The following SMYD3 variants were observed in gnomAD, a reference collection of about 807,000 sequenced individuals.
SMYD3 encodes SET and MYND domain containing 3, also known as histone-lysine N-methyltransferase SMYD3.
In SMYD3, 36 loss-of-function variants were observed where a neutral mutation model predicts 57.7. The ratio of observed to expected loss-of-function variants is 0.62; its 90% CI spans 0.48 to 0.82. The LOEUF (loss-of-function observed/expected upper bound fraction) is 0.82, where lower values mean the gene tolerates loss of function less well. Ranked by LOEUF, SMYD3 falls within the 40% of genes least tolerant of loss-of-function variation. The pLI is 0.00. For missense variants in SMYD3, 515 were observed against 538.8 expected, an observed-to-expected ratio of 0.96 and a Z score of 0.44; for synonymous variants, 211 against 195.0, an observed-to-expected ratio of 1.08 and a Z score of -0.68.
intron 5 of SMYD3, among the ~76,000 whole-genome samples, chr1:246,195,609 G>A (rs1038203042): frequency 9.7e-5 from 13 of 133,402 alleles, no homozygotes; most frequent in Non-Finnish European, 1.3e-4. Context: ...GTGCGTGCAC[G>A]CGCGCACACA....
At chr1:246,294,498 T>C (rs1002190379) in intron 5 of SMYD3, among the ~76,000 whole-genome samples, 1 of 152,202 alleles carries the variant, frequency 6.6e-6, no homozygotes, top group African/African-American at 2.4e-5. Context: ...GCCAGCTACA[T>C]GATAGGCCAA....
At position 246,313,310 on chromosome 1, in the gene SMYD3, A is replaced by G. The variant is rs766475573; in HGVS notation, c.531+13891T>C. Among the ~76,000 whole-genome samples the G allele has an allele frequency of 1.3e-5, 2 of 152,090 alleles. 1 individual carries two copies. The highest frequency in any genetic ancestry group is 2.9e-5 in the Non-Finnish European group (2 of 68,022). On this transcript the variant is annotated intron_variant, in intron 5 of 11. Transcript: ENST00000490107. ...GACTTTTGAGGCCCCCAAACAATATACCTTACCAACTTCTGCTCTAACCTG... is the reference window on the plus strand; with the variant it reads ...GACTTTTGAGGCCCCCAAACAATATGCCTTACCAACTTCTGCTCTAACCTG...
chr1:245,790,325 GGAAT>G (rs986697478), intron 10 of SMYD3, among the ~76,000 whole-genome samples: 1 of 152,184 alleles, frequency 6.6e-6, no homozygotes, highest in African/African-American at 2.4e-5. Flanking sequence ...GCTGCAGTGA[GGAAT>G]GAATGAATGA....
chr1:246,441,572 CA>C (rs2067470794), intron 1 of SMYD3, among the ~76,000 whole-genome samples: 1 of 152,166 alleles, frequency 6.6e-6, no homozygotes, highest in South Asian at 2.1e-4. Context: ...AAAAATGCCT[CA>C]CTGACATTTT....
At chr1:245,937,635 TAGGTTTCCA>T (rs1288497624) in intron 5 of SMYD3, among the ~76,000 whole-genome samples, 1 of 152,254 alleles carries the variant, frequency 6.6e-6, no homozygotes, top group Non-Finnish European at 1.5e-5. Context: ...GACATCATTA[TAGGTTTCCA>T]TAGCTCCACG....
At chr1:246,403,297 C>T (rs1016098754) in intron 1 of SMYD3, among the ~76,000 whole-genome samples, 2 of 151,670 alleles carry the variant, frequency 1.3e-5, no homozygotes, top group Admixed American at 1.3e-4. Flanking sequence ...AGTTTGAGAC[C>T]AGCCTGGGCA....
At chr1:246,039,556 G>C (rs1287654353) in intron 5 of SMYD3, among the ~76,000 whole-genome samples, 1 of 152,188 alleles carries the variant, frequency 6.6e-6, no homozygotes, top group Non-Finnish European at 1.5e-5. Flanking sequence ...CCCTCAAACT[G>C]ATACTACAAA....
intron 5 of SMYD3, among the ~76,000 whole-genome samples, chr1:246,195,598 T>C (rs1366713469): frequency 6.6e-6 from 1 of 150,468 alleles, no homozygotes; most frequent in African/African-American, 2.5e-5. Flanking sequence ...TACACACAAA[T>C]GTGCGTGCAC....
chr1:246,248,014 C>T (rs944529165), intron 5 of SMYD3, among the ~76,000 whole-genome samples: 1 of 152,130 alleles, frequency 6.6e-6, no homozygotes, highest in South Asian at 2.1e-4. Context: ...TGAAACCAAC[C>T]GTTGCAGAGA....
intron 5 of SMYD3, among the ~76,000 whole-genome samples, chr1:246,033,863 C>T (rs552341533): frequency 7.6e-4 from 115 of 152,122 alleles, no homozygotes; most frequent in African/African-American, 2.7e-3. Flanking sequence ...GATAGTTTTA[C>T]AGTTTTGCAA....
chr1:245,912,452 A>G (rs972789631), intron 8 of SMYD3, among the ~76,000 whole-genome samples: 1 of 152,202 alleles, frequency 6.6e-6, no homozygotes, highest in African/African-American at 2.4e-5. Context: ...TACAGATTCA[A>G]TGCAATCCCT....
chr1:246,369,496 T>C (rs1406665276), intron 1 of SMYD3, among the ~76,000 whole-genome samples: 3 of 152,186 alleles, frequency 2.0e-5, no homozygotes, highest in African/African-American at 4.8e-5. Context: ...TACAGACTCA[T>C]AGGAAAATAG....
chr1:246,222,414 G>C (rs551161890), intron 5 of SMYD3, among the ~76,000 whole-genome samples: 2 of 152,092 alleles, frequency 1.3e-5, no homozygotes, highest in Non-Finnish European at 2.9e-5. Flanking sequence ...GATTTGAGCC[G>C]ATCTGTGCCT....
At chr1:246,419,260 C>T (rs2067107094) in intron 1 of SMYD3, among the ~76,000 whole-genome samples, 1 of 152,202 alleles carries the variant, frequency 6.6e-6, no homozygotes, top group African/African-American at 2.4e-5. Context: ...TTTGCTGACT[C>T]TCTTTTCAGA....
chr1:246,392,614 A>G (rs2066590665), intron 1 of SMYD3, among the ~76,000 whole-genome samples: 1 of 151,756 alleles, frequency 6.6e-6, no homozygotes. Flanking sequence ...CATCCAGCTA[A>G]TTATTAAATT....
chr1:246,407,860 T>TAAAA (rs1381023420), intron 1 of SMYD3, among the ~76,000 whole-genome samples: 2 of 150,118 alleles, frequency 1.3e-5, no homozygotes, highest in South Asian at 4.2e-4. Flanking sequence ...AATAAATAAA[T>TAAAA]AAATAAATTA....
chr1:245,915,736 T>G lies in SMYD3; in HGVS notation c.703-96A>C, dbSNP rs902176857. 1.0e-5 allele frequency: 8 copies of G among 777,470 alleles called. No homozygotes were observed. The African/African-American group carries it at 1.4e-4, about 14-fold the overall frequency. The allele number at this position is 777,470 out of a possible 1,614,324, so 48.2% of individuals were successfully genotyped here. ...TATTGCTAATTATTGGAGTAAAACT[T>G]GTTTTTATTATAAACCAAAAATATA... is the stretch of plus-strand genomic sequence containing the variant. On this transcript the variant is annotated intron_variant, in intron 7 of 11. Transcript: ENST00000490107.
chr1:246,362,417 C>T (rs1249883527), intron 1 of SMYD3, among the ~76,000 whole-genome samples: 3 of 149,186 alleles, frequency 2.0e-5, no homozygotes, highest in East Asian at 2.0e-4. Flanking sequence ...CTCTCCCTCT[C>T]CCTCTCCCTC....
chr1:246,376,852 C>T (rs1331947925), intron 1 of SMYD3, among the ~76,000 whole-genome samples: 3 of 151,872 alleles, frequency 2.0e-5, no homozygotes, highest in African/African-American at 7.3e-5. Flanking sequence ...GTAATACCAG[C>T]ACTTTGGGAG....
Sources: allele counts gnomAD v4.1 joint callset (sites outside exome capture counted in the v4.1 genomes callset), GRCh38; gene constraint gnomAD v4.1.1; transcripts MANE v1.5; gene names NCBI Gene and HGNC (gene_info 2026-07-23, HGNC 2026-07-21).